The following ABLIM1 variants were observed in gnomAD, a reference collection of about 807,000 sequenced individuals.
The protein encoded by ABLIM1 is actin-binding LIM protein 1.
In ABLIM1, 40 loss-of-function variants were observed where a neutral mutation model predicts 107.0. The ratio of observed to expected loss-of-function variants is 0.37; its 90% CI spans 0.29 to 0.49. The LOEUF is 0.49. ABLIM1 is among the 20% of genes least tolerant of loss of function. The probability of loss-of-function intolerance (pLI) is 0.97; values close to 1 mark genes in which losing one functional copy is unlikely to be tolerated. For synonymous variants in ABLIM1, 357 were observed against 357.3 expected, an observed-to-expected ratio of 1.00 and a Z score of 0.01; for missense variants, 857 against 1,008.5, an observed-to-expected ratio of 0.85 and a Z score of 2.04.
intron 2 of ABLIM1, among the ~76,000 whole-genome samples, chr10:114,588,977 T>G (rs1430112300): frequency 1.3e-5 from 2 of 152,082 alleles, no homozygotes; most frequent in South Asian, 2.1e-4. Flanking sequence ...CAACAACAGA[T>G]TGCCTGTACA....
chr10:114,578,789 T>C (rs564470924), intron 2 of ABLIM1, among the ~76,000 whole-genome samples: 31 of 145,258 alleles, frequency 2.1e-4, no homozygotes, highest in Admixed American at 1.9e-3. Context: ...TCTTTTCTTT[T>C]TTTTTTTTTT....
Position 114,736,632 on chromosome 10 carries a change from T to C in ABLIM1, c.-213+31429A>G, listed in dbSNP as rs79206664. Among the ~76,000 whole-genome samples, 6 of 152,294 alleles carry C rather than the reference T, an allele frequency of 3.9e-5. No individual in the cohort carries two copies. The East Asian group carries it at 1.2e-3, about 29-fold the overall frequency. ...CACATGACAGGGTAGTCTGAAAATATAAAATGCCCTGAAATCTAGTGACCA... is the reference window on the plus strand; with the variant it reads ...CACATGACAGGGTAGTCTGAAAATACAAAATGCCCTGAAATCTAGTGACCA... On this transcript the variant is annotated intron_variant, in intron 1 of 15. Transcript: ENST00000651092.
chr10:114,638,134 A>AGTAATACAC (rs1424740742), intron 1 of ABLIM1, among the ~76,000 whole-genome samples: 2 of 152,254 alleles, frequency 1.3e-5, no homozygotes, highest in Non-Finnish European at 2.9e-5. Context: ...GTATTCACAT[A>AGTAATACAC]GTAATACACA....
In ABLIM1 at chr10:114,439,187, A is replaced by G; in HGVS notation, c.2131T>C (p.Leu711=). ...MDRGVSMPNM[L]EPKIFPYEML... is the part of the protein sequence containing the mutation. ...ACAGCTGCACTTGCCTTTGGTTCCA[A>G]CATGTTGGGCATAGACACTCCTCGG... Residue 711 remains leucine, a synonymous_variant, in exon 21 of 23, where the codon TTG becomes CTG. Coordinates refer to ENST00000533213, the MANE Select transcript of ABLIM1 (RefSeq NM_002313.7). The G allele has an allele frequency of 6.2e-7, 1 of 1,614,266 alleles. No homozygotes were observed. Among genetic ancestry groups the G allele is most frequent in the Non-Finnish European group, 8.5e-7 (1 of 1,180,044 alleles).
Position 114,432,469 on chromosome 10 carries a change from A to G in ABLIM1, c.*3791T>C, listed in dbSNP as rs2058958409. On this transcript the variant is annotated 3_prime_UTR_variant, in exon 23 of 23. Transcript: ENST00000533213. Reference sequence around the variant, plus strand: ...AGTTAGCTTTAAATGGTTTTTAGAAAGACTTACCTAGTCAAAAGTGGTTAA... The same window carrying G: ...AGTTAGCTTTAAATGGTTTTTAGAAGGACTTACCTAGTCAAAAGTGGTTAA... 6.6e-6 allele frequency: 1 copy of G among 152,238 alleles called. No homozygotes were observed. The highest frequency in any genetic ancestry group is 2.4e-5 in the African/African-American group (1 of 41,470). 9.4% of individuals were successfully genotyped at this position (152,238 alleles called of 1,614,324 possible).
At chr10:114,789,797 T>G in the ABLIM1 span, among the ~76,000 whole-genome samples, 2 of 151,894 alleles carry the variant, frequency 1.3e-5, no homozygotes, top group Non-Finnish European at 2.9e-5. Flanking sequence ...ATTTGTTTTT[T>G]TTTTTTTTTG....
At chr10:114,477,155 T>C (rs763771831) in intron 8 of ABLIM1, among the ~76,000 whole-genome samples, 53 of 152,308 alleles carry the variant, frequency 3.5e-4, no homozygotes, top group Non-Finnish European at 5.1e-4. Flanking sequence ...CACTAAAATT[T>C]TGCTGTATTG....
At chr10:114,787,518 C>G in the ABLIM1 span, among the ~76,000 whole-genome samples, 44 of 147,076 alleles carry the variant, frequency 3.0e-4, no homozygotes, top group African/African-American at 1.0e-3. Flanking sequence ...GCCGCCCTGT[C>G]CGGGAGGGAG....
Position 114,725,217 on chromosome 10 carries a change from AT to A in ABLIM1, c.-213+42843del, listed in dbSNP as rs202173622. Among the ~76,000 whole-genome samples the A allele has an allele frequency of 4.6e-3, 708 of 152,272 alleles. 1 individual carries two copies. The highest frequency in any genetic ancestry group is 7.5e-3 in the Non-Finnish European group (510 of 68,018). The stretch of plus-strand genomic sequence containing the variant: ...GAACTAACAAATTCCACAACTAGCA[AT>A]TTACCTGGTGGATATACCAGCAAAA... On this transcript the variant is annotated intron_variant, in intron 1 of 15. Coordinates refer to the ABLIM1 transcript ENST00000651092.
At position 114,519,430 on chromosome 10, in the gene ABLIM1, C is replaced by G. The variant is rs74854123; in HGVS notation, c.894+25575G>C. On this transcript the variant is annotated intron_variant, in intron 6 of 22. Transcript: ENST00000533213. ...CCAGGTTGCAGCCTTTTTTCCCCGC[C>G]CAGCACATGTTGGGTGTGAGCGAGT... Among the ~76,000 whole-genome samples, 618 of 152,268 alleles carry G rather than the reference C, an allele frequency of 4.1e-3. 5 individuals are homozygous for G. The highest frequency in any genetic ancestry group is 0.014 in the African/African-American group (598 of 41,552).
At chr10:114,783,320 A>G in the ABLIM1 span, among the ~76,000 whole-genome samples, 1 of 151,962 alleles carries the variant, frequency 6.6e-6, no homozygotes, top group Non-Finnish European at 1.5e-5. Flanking sequence ...AAAAAAATAA[A>G]AGAGAGAGAA....
At chr10:114,477,427 T>C (rs1245674576) in intron 8 of ABLIM1, among the ~76,000 whole-genome samples, 4 of 152,144 alleles carry the variant, frequency 2.6e-5, no homozygotes, top group Admixed American at 1.3e-4. Flanking sequence ...ATCCAGGACA[T>C]TGTGTGAACA....
intron 1 of ABLIM1, among the ~76,000 whole-genome samples, chr10:114,642,843 C>A (rs1445401616): frequency 1.3e-5 from 2 of 152,204 alleles, no homozygotes; most frequent in Non-Finnish European, 2.9e-5. Flanking sequence ...TAGCCTCAGA[C>A]TTCTCAACAG....
intron 1 of ABLIM1, among the ~76,000 whole-genome samples, chr10:114,633,664 C>T (rs1009573453): frequency 5.9e-5 from 9 of 152,158 alleles, no homozygotes; most frequent in Admixed American, 5.2e-4. Context: ...GAGCCAAGCA[C>T]GAGAGCAGCT....
intron 1 of ABLIM1, among the ~76,000 whole-genome samples, chr10:114,643,293 T>G (rs1380329947): frequency 6.6e-6 from 1 of 152,214 alleles, no homozygotes; most frequent in Non-Finnish European, 1.5e-5. Context: ...GAGACAACTA[T>G]GAGAGTGCTG....
chr10:114,631,122 G>A (rs1023304920), intron 1 of ABLIM1, among the ~76,000 whole-genome samples: 2 of 152,196 alleles, frequency 1.3e-5, no homozygotes, highest in Non-Finnish European at 2.9e-5. Context: ...TTAAGACAAG[G>A]TGTGTTTATA....
At chr10:114,722,369 C>T (rs748952523) in intron 1 of ABLIM1, among the ~76,000 whole-genome samples, 4 of 152,164 alleles carry the variant, frequency 2.6e-5, no homozygotes, top group African/African-American at 7.2e-5. Flanking sequence ...CTCACTATCA[C>T]GAGAACAGCC....
chr10:114,529,274 G>T (rs1359328975), intron 6 of ABLIM1, among the ~76,000 whole-genome samples: 1 of 151,960 alleles, frequency 6.6e-6, no homozygotes, highest in Non-Finnish European at 1.5e-5. Context: ...ACAGGCACAT[G>T]CCACCATGCC....
intron 3 of ABLIM1, 99 bp from the exon 4 acceptor site, chr10:114,571,505 T>G (rs1045466093): frequency 2.4e-5 from 28 of 1,178,884 alleles, no homozygotes; most frequent in Non-Finnish European, 3.5e-5. Flanking sequence ...ATTTATTTCT[T>G]GGAGAAGCAG....
Sources: gnomAD v4.1 joint callset for allele counts (sites outside exome capture counted in the v4.1 genomes callset) on GRCh38, gnomAD v4.1.1 for gene constraint, MANE v1.5 for transcripts, NCBI Gene and HGNC (gene_info 2026-07-23, HGNC 2026-07-21) for gene names.